CACNA1I: variants seen among roughly 807,000 people sequenced by gnomAD.
CACNA1I encodes the protein voltage-dependent T-type calcium channel subunit alpha-1I.
Under a neutral mutation model 201.6 loss-of-function variants are expected in CACNA1I, and 74 were observed. That is an observed-to-expected ratio of 0.37 (90% CI 0.30 to 0.45). CACNA1I has a LOEUF of 0.45. CACNA1I is among the 20% of genes least tolerant of loss of function. The probability of loss-of-function intolerance (pLI) is 1.00; values close to 1 mark genes in which losing one functional copy is unlikely to be tolerated. For missense variants in CACNA1I, 2,346 were observed against 3,138.1 expected, an observed-to-expected ratio of 0.75 and a Z score of 6.03; for synonymous variants, 1,431 against 1,345.2, an observed-to-expected ratio of 1.06 and a Z score of -1.40.
chr22:39,634,502 A>G, intron 4 of CACNA1I, 63 bp from the exon 5 acceptor site: 1 of 1,534,600 alleles, frequency 6.5e-7, no homozygotes, highest in East Asian at 2.2e-5. Context: ...CCTTGCTCTC[A>G]CTCTTTCGTC....
rs750034167 is a variant in CACNA1I at position 39,649,841 on chromosome 22, C to T, written c.1908C>T (p.Ile636=). The change falls in exon 10 of 37, where the codon ATC becomes ATT. Residue 636 remains isoleucine (I), a synonymous_variant. Transcript: ENST00000402142. The surrounding 1 kb of genome is among the most constrained non-coding windows in gnomAD (Gnocchi z 7.3). The part of the protein sequence containing the change: ...WRETRAKLRG[I]VDSKYFNRGI... The stretch of plus-strand genomic sequence containing the variant: ...AGACGCGAGCCAAGCTGCGCGGCAT[C>T]GTGGACAGCAAGTACTTCAACCGGG... 57 of 1,613,432 alleles carry T rather than the reference C, an allele frequency of 3.5e-5. No individual in the cohort carries two copies. The highest frequency in any genetic ancestry group is 4.2e-5 in the Non-Finnish European group (50 of 1,179,748).
intron 1 of CACNA1I, among the ~76,000 whole-genome samples, chr22:39,597,230 G>A (rs1022096679): frequency 4.6e-5 from 7 of 152,186 alleles, no homozygotes; most frequent in African/African-American, 7.2e-5. Context: ...TATGACAGGC[G>A]GGGGCTGGAA....
chr22:39,676,615 G>C lies in CACNA1I; in HGVS notation c.4855-726G>C, dbSNP rs935285358. Among the ~76,000 whole-genome samples the C allele has an allele frequency of 6.6e-6, 1 of 152,176 alleles. No homozygotes were observed. The highest frequency in any genetic ancestry group is 2.4e-5 in the African/African-American group (1 of 41,438). On this transcript the variant is annotated intron_variant, in intron 29 of 36. Transcript: ENST00000402142. The surrounding 1 kb of genome is among the most constrained non-coding windows in gnomAD (Gnocchi z 4.8). ...TTTCTCCCACAGGAGCTGTGGGATG[G>C]GGGTGGCTGGGTTTGCAGAGGCTTC...
intron 4 of CACNA1I, among the ~76,000 whole-genome samples, chr22:39,628,325 C>T (rs557096138): frequency 8.3e-4 from 126 of 152,262 alleles, no homozygotes; most frequent in Non-Finnish European, 1.5e-3. Context: ...GACGCCTGAT[C>T]TGATCGGGGC....
At chr22:39,647,597 T>G (rs1256230526) in intron 8 of CACNA1I, among the ~76,000 whole-genome samples, 1 of 152,112 alleles carries the variant, frequency 6.6e-6, no homozygotes, top group Admixed American at 6.5e-5. Flanking sequence ...TTTTTTTTTG[T>G]AAAGACGGGT....
In CACNA1I at chr22:39,665,017, C is replaced by A; in HGVS notation, c.3851+94C>A. ...GGGCCCTCACTCCGCCCTCCCCGCCCGCCCACTCGGTCCTCCAATAGTGAG... is the reference window on the plus strand; with the variant it reads ...GGGCCCTCACTCCGCCCTCCCCGCCAGCCCACTCGGTCCTCCAATAGTGAG... On this transcript the variant is annotated intron_variant, in intron 21 of 36. Transcript: ENST00000402142. The surrounding 1 kb of genome is among the most constrained non-coding windows in gnomAD (Gnocchi z 5.5). 2.5e-6 allele frequency: 3 copies of A among 1,193,398 alleles called. No homozygotes were observed. The highest frequency in any genetic ancestry group is 1.4e-5 in the South Asian group (1 of 70,808). 73.9% of individuals were successfully genotyped at this position (1,193,398 alleles called of 1,614,324 possible).
chr22:39,652,055 A>G (rs1468015102), intron 10 of CACNA1I, among the ~76,000 whole-genome samples: 2 of 145,284 alleles, frequency 1.4e-5, no homozygotes, highest in Admixed American at 6.8e-5. Context: ...TTTTTTTGAG[A>G]TGGAGTCTCA....
At chr22:39,673,254 C>A (rs1935427017) in intron 28 of CACNA1I, among the ~76,000 whole-genome samples, 172 bp downstream of exon 28, 1 of 152,034 alleles carries the variant, frequency 6.6e-6, no homozygotes, top group Admixed American at 6.5e-5. Flanking sequence ...AGGCACACAG[C>A]CAACACACAC....
intron 3 of CACNA1I, among the ~76,000 whole-genome samples, chr22:39,605,591 C>T (rs114211575): frequency 0.012 from 1,785 of 152,314 alleles, 39 homozygotes; most frequent in African/African-American, 0.037. Context: ...TGTGATTTCA[C>T]GTAACTTTCA....
In CACNA1I at chr22:39,670,811, C is replaced by A. The variant is rs758099810; in HGVS notation, c.4396C>A (p.Arg1466=). Reference sequence around the variant, plus strand: ...CCCTGCACCACCTGCAGAGGCCCAGCGGCTGCCCTACTATGCCACCTATTG... The same window carrying A: ...CCCTGCACCACCTGCAGAGGCCCAGAGGCTGCCCTACTATGCCACCTATTG... ...RLEKKRRKAQ[R]LPYYATYCHT... The change falls in exon 26 of 37, where the codon CGG becomes AGG. Residue 1466 remains arginine, a synonymous_variant. Coordinates refer to ENST00000402142, the MANE Select transcript of CACNA1I (RefSeq NM_021096.4). 12 of 1,613,850 alleles carry A rather than the reference C, an allele frequency of 7.4e-6. No individual in the cohort carries two copies. Among genetic ancestry groups the A allele is most frequent in the Non-Finnish European group, 5.9e-6 (7 of 1,179,838 alleles).
At chr22:39,581,405 G>T (rs949553151) in intron 1 of CACNA1I, among the ~76,000 whole-genome samples, 1 of 152,174 alleles carries the variant, frequency 6.6e-6, no homozygotes, top group African/African-American at 2.4e-5. Flanking sequence ...GGAAGACTGC[G>T]AGGGGAGGCA....
intron 5 of CACNA1I, 73 bp downstream of exon 5, chr22:39,634,797 T>C (rs1237460663): frequency 2.0e-6 from 3 of 1,476,456 alleles, no homozygotes; most frequent in East Asian, 2.3e-5. Flanking sequence ...TTCTGGGTCA[T>C]TGGGAATCAG....
intron 28 of CACNA1I, 113 bp from the exon 29 acceptor site, chr22:39,673,850 T>C: frequency 1.1e-6 from 1 of 918,854 alleles, no homozygotes; most frequent in Non-Finnish European, 1.7e-6. Context: ...AGACTCTGCT[T>C]GCACGTGCCT....
chr22:39,607,895 C>CAG (rs1555903855), intron 3 of CACNA1I, among the ~76,000 whole-genome samples: 9 of 139,310 alleles, frequency 6.5e-5, no homozygotes, highest in Non-Finnish European at 1.2e-4. Flanking sequence ...GGTGCCAAGG[C>CAG]GGGGGGGGGT....
intron 3 of CACNA1I, among the ~76,000 whole-genome samples, chr22:39,610,797 T>C (rs1601815473): frequency 6.6e-6 from 1 of 152,014 alleles, no homozygotes; most frequent in South Asian, 2.1e-4. Context: ...GGTGGCAGGG[T>C]GGTGGCAGGC....
intron 11 of CACNA1I, 102 bp downstream of exon 11, chr22:39,658,405 C>A: frequency 9.3e-7 from 1 of 1,080,298 alleles, no homozygotes; most frequent in Non-Finnish European, 1.4e-6. Flanking sequence ...CTGTGGAAAC[C>A]CGTTGCACTG....
Position 39,677,678 on chromosome 22 carries a change from G to T in CACNA1I, c.4933+259G>T, listed in dbSNP as rs912855824. Among the ~76,000 whole-genome samples the T allele has an allele frequency of 6.6e-6, 1 of 152,228 alleles. No homozygotes were observed. The highest frequency in any genetic ancestry group is 1.5e-5 in the Non-Finnish European group (1 of 68,028). On this transcript the variant is annotated intron_variant, in intron 30 of 36. Coordinates refer to ENST00000402142, the MANE Select transcript of CACNA1I (RefSeq NM_021096.4). This position sits in a 1 kb window ranked among gnomAD's most constrained non-coding sequence, Gnocchi z 4.8. The stretch of plus-strand genomic sequence containing the variant: ...CAGGGGAAAGAGCAACAGAGCGCTC[G>T]CTGAGCTCCGCCCTGCACCGGGATG...
chr22:39,589,155 T>TG lies in CACNA1I; in HGVS notation c.237-8991dup, dbSNP rs576766280. ...TCTCCAGACACGGCCAAATGTCCCT[T>TG]GGGGGACAAAATCATCCCTGGTTGA... On this transcript the variant is annotated intron_variant, in intron 1 of 36. Coordinates refer to ENST00000402142, the MANE Select transcript of CACNA1I (RefSeq NM_021096.4). 3.9e-3 allele frequency among the ~76,000 whole-genome samples: 600 copies of TG among 152,312 alleles called. 6 individuals carry two copies. The highest frequency in any genetic ancestry group is 0.013 in the African/African-American group (542 of 41,584).
intron 15 of CACNA1I, 27 bp downstream of exon 15, chr22:39,660,464 G>C (rs1015247565): frequency 7.8e-6 from 12 of 1,536,848 alleles, no homozygotes; most frequent in Non-Finnish European, 1.1e-5. Flanking sequence ...TTGTCACCTA[G>C]AGAGCCCAGA....
Sources: gnomAD v4.1 joint callset for allele counts (sites outside exome capture counted in the v4.1 genomes callset) on GRCh38, gnomAD v4.1.1 for gene constraint, Gnocchi (gnomAD v3.1) non-coding constraint, MANE v1.5 for transcripts, NCBI Gene and HGNC (gene_info 2026-07-23, HGNC 2026-07-21) for gene names.